TENM3: variants seen among roughly 807,000 people sequenced by gnomAD.
The protein encoded by TENM3 is teneurin-3.
Under a neutral mutation model 255.1 loss-of-function variants are expected in TENM3, and 63 were observed. That is an observed-to-expected ratio of 0.25 (90% confidence interval 0.20 to 0.30). The LOEUF is 0.30. TENM3 is among the 10% of genes least tolerant of loss of function. The pLI is 1.00. For synonymous variants in TENM3, 1,306 were observed against 1,322.3 expected (o/e 0.99, Z 0.27); for missense variants, 2,929 against 3,461.1 (o/e 0.85, Z 3.86).
chr4:181,485,546 T>C, the TENM3 span, among the ~76,000 whole-genome samples: 2 of 152,112 alleles, frequency 1.3e-5, no homozygotes, highest in Non-Finnish European at 2.9e-5. Context: ...AATTCTTTGA[T>C]GGCAAAAAAA....
the TENM3 span, among the ~76,000 whole-genome samples, chr4:181,454,143 T>G: frequency 6.6e-6 from 1 of 152,158 alleles, no homozygotes; most frequent in Non-Finnish European, 1.5e-5. Context: ...GTCATGGAAC[T>G]CATATACTAA....
chr4:181,600,031 ACAAT>A, the TENM3 span, among the ~76,000 whole-genome samples: 1 of 152,330 alleles, frequency 6.6e-6, no homozygotes, highest in African/African-American at 2.4e-5. Context: ...TGTATGATTA[ACAAT>A]CAGATATTTT....
the TENM3 span, among the ~76,000 whole-genome samples, chr4:182,126,644 G>A: frequency 6.6e-6 from 1 of 152,122 alleles, no homozygotes; most frequent in African/African-American, 2.4e-5. Flanking sequence ...GCCTGATCCT[G>A]CCCTATATGC....
intron 3 of TENM3, among the ~76,000 whole-genome samples, chr4:182,465,854 A>G (rs1178537127): frequency 6.6e-6 from 1 of 152,224 alleles, no homozygotes; most frequent in African/African-American, 2.4e-5. Flanking sequence ...TGCATATAAA[A>G]TAAAATGTCT....
the TENM3 span, among the ~76,000 whole-genome samples, chr4:181,741,610 T>A: frequency 6.6e-6 from 1 of 152,190 alleles, no homozygotes; most frequent in Non-Finnish European, 1.5e-5. Context: ...GTTGGTAAAA[T>A]GTGCCTGAAT....
the TENM3 span, among the ~76,000 whole-genome samples, chr4:181,541,163 CAG>C: frequency 2.0e-5 from 3 of 151,940 alleles, no homozygotes; most frequent in African/African-American, 7.3e-5. Flanking sequence ...TGCTTGAGCT[CAG>C]GGGCTGGAGA....
At chr4:182,105,695 T>G in the TENM3 span, among the ~76,000 whole-genome samples, 149,637 of 152,264 alleles carry the variant, frequency 0.98, 73,578 homozygotes, top group East Asian at 1. Flanking sequence ...GCCAACCAGC[T>G]AAGCTCACCC....
chr4:182,249,425 A>G (rs1321231611), intron 1 of TENM3, among the ~76,000 whole-genome samples: 2 of 152,232 alleles, frequency 1.3e-5, no homozygotes, highest in East Asian at 1.9e-4. Context: ...ATGAGTTGAT[A>G]GTGGCTGTAC....
chr4:181,641,552 GTGTATATATATATATATATATA>G, the TENM3 span, among the ~76,000 whole-genome samples: 28 of 21,690 alleles, frequency 1.3e-3, no homozygotes, highest in South Asian at 4.2e-3. Flanking sequence ...CATGGTGTGT[GTGTATATATATATATATATATA>G]TATATATATA....
chr4:182,121,664 A>T, the TENM3 span, among the ~76,000 whole-genome samples: 1 of 152,254 alleles, frequency 6.6e-6, no homozygotes, highest in African/African-American at 2.4e-5. Flanking sequence ...TTTAAATTTT[A>T]TCATTAAAAA....
At chr4:181,959,241 C>A in the TENM3 span, among the ~76,000 whole-genome samples, 3 of 152,138 alleles carry the variant, frequency 2.0e-5, no homozygotes, top group Non-Finnish European at 4.4e-5. Flanking sequence ...ACATTCCAGG[C>A]CCCCAGTGGT....
At chr4:181,509,612 A>C in the TENM3 span, among the ~76,000 whole-genome samples, 1 of 152,194 alleles carries the variant, frequency 6.6e-6, no homozygotes, top group African/African-American at 2.4e-5. Flanking sequence ...GGCCTTCTTA[A>C]GGTCACAATA....
the TENM3 span, among the ~76,000 whole-genome samples, chr4:181,737,032 G>T: frequency 1.3e-5 from 2 of 152,082 alleles, no homozygotes; most frequent in Non-Finnish European, 2.9e-5. Context: ...AAAACGATGT[G>T]AATTTTCTGA....
chr4:182,793,443 T>C lies in TENM3; in HGVS notation c.6771T>C (p.Thr2257=), dbSNP rs768969623. Residue 2257 remains threonine (T), a synonymous_variant, in exon 26 of 28, where the codon ACT becomes ACC. Coordinates refer to ENST00000511685, the MANE Select transcript of TENM3 (RefSeq NM_001080477.4). This position sits in a 1 kb window ranked among gnomAD's most constrained non-coding sequence, Gnocchi z 5.7. The stretch of plus-strand genomic sequence containing the variant: ...TTTATGCTGACTTAACTTATCCCAC[T>C]AGGATTACTCATGTCTACAACCATT... The part of the protein sequence containing the change: ...QFFYADLTYP[T]RITHVYNHSS... 1 of 1,613,930 alleles carries C rather than the reference T, an allele frequency of 6.2e-7. No individual in the cohort carries two copies. Among genetic ancestry groups the C allele is most frequent in the Admixed American group, 1.7e-5 (1 of 60,016 alleles).
chr4:182,347,258 GT>G (rs1264174138), intron 3 of TENM3, among the ~76,000 whole-genome samples: 1 of 152,120 alleles, frequency 6.6e-6, no homozygotes, highest in Non-Finnish European at 1.5e-5. Flanking sequence ...CATGTCACCT[GT>G]TGTCTTCTGT....
At chr4:182,089,295 A>G in the TENM3 span, among the ~76,000 whole-genome samples, 1 of 152,198 alleles carries the variant, frequency 6.6e-6, no homozygotes, top group Admixed American at 6.5e-5. Context: ...GTTATATCAC[A>G]TAGCTATGGA....
At chr4:182,133,164 G>A in the TENM3 span, among the ~76,000 whole-genome samples, 3 of 152,172 alleles carry the variant, frequency 2.0e-5, no homozygotes, top group Admixed American at 2.0e-4. Context: ...AGAAAACAGG[G>A]TCACGTCCTT....
At chr4:182,669,030 T>C (rs1345974943) in intron 6 of TENM3, among the ~76,000 whole-genome samples, 1 of 152,166 alleles carries the variant, frequency 6.6e-6, no homozygotes, top group African/African-American at 2.4e-5. Context: ...AACTTGTTAA[T>C]GACAATCAAG....
chr4:181,871,388 C>G, the TENM3 span, among the ~76,000 whole-genome samples: 2 of 151,700 alleles, frequency 1.3e-5, no homozygotes, highest in African/African-American at 4.8e-5. Context: ...AATATGGTAA[C>G]TCTCTCCTTT....
Sources: allele counts gnomAD v4.1 joint callset (sites outside exome capture counted in the v4.1 genomes callset), GRCh38; gene constraint gnomAD v4.1.1; non-coding constraint Gnocchi (gnomAD v3.1); transcripts MANE v1.5; gene names NCBI Gene and HGNC (gene_info 2026-07-23, HGNC 2026-07-21).